The following ZFYVE28 variants were observed in gnomAD, a reference collection of about 807,000 sequenced individuals.
ZFYVE28 encodes zinc finger FYVE-type containing 28.
In ZFYVE28, 40 loss-of-function variants were observed where a neutral mutation model predicts 82.1. That is an observed-to-expected ratio of 0.49 (90% CI 0.38 to 0.63). The LOEUF (loss-of-function observed/expected upper bound fraction) is 0.63. ZFYVE28 is among the 30% of genes least tolerant of loss of function. ZFYVE28 has a pLI of 0.00. For missense variants in ZFYVE28, 1,321 were observed against 1,242.1 expected (o/e 1.06, Z -0.96); for synonymous variants, 612 against 546.1 (o/e 1.12, Z -1.68).
intron 6 of ZFYVE28, among the ~76,000 whole-genome samples, chr4:2,323,216 T>G (rs915926919): frequency 2.6e-5 from 4 of 152,208 alleles, no homozygotes; most frequent in African/African-American, 4.8e-5. Flanking sequence ...ACGTATTCTT[T>G]TCCATTTTTT....
At chr4:2,313,812 G>A (rs1382875823) in intron 7 of ZFYVE28, among the ~76,000 whole-genome samples, 1 of 145,674 alleles carries the variant, frequency 6.9e-6, no homozygotes, top group Non-Finnish European at 1.5e-5. Context: ...TCGCACCACT[G>A]CACTCCAGCC....
chr4:2,376,663 G>A (rs1260165018), intron 1 of ZFYVE28, among the ~76,000 whole-genome samples: 3 of 152,140 alleles, frequency 2.0e-5, no homozygotes, highest in Non-Finnish European at 4.4e-5. Flanking sequence ...ACGAGCATGG[G>A]GGGAACTGCC....
intron 8 of ZFYVE28, among the ~76,000 whole-genome samples, chr4:2,297,091 G>A (rs1339501806): frequency 6.6e-6 from 1 of 152,252 alleles, no homozygotes; most frequent in Non-Finnish European, 1.5e-5. Context: ...AATGGTGGAT[G>A]TGGGAACGAA....
chr4:2,343,402 T>C (rs1024116905), intron 2 of ZFYVE28: 3 of 152,194 alleles, frequency 2.0e-5, no homozygotes, highest in Non-Finnish European at 4.4e-5. Context: ...TGGGGAAGCA[T>C]GACCCTTCTC....
intron 1 of ZFYVE28, chr4:2,364,606 C>T (rs1726615797): frequency 1.0e-6 from 1 of 985,418 alleles, no homozygotes; most frequent in Admixed American, 6.1e-5. Context: ...GCTCCAGGTT[C>T]TTGGCCGCCT....
At chr4:2,326,920 G>C (rs1423753094) in intron 6 of ZFYVE28, among the ~76,000 whole-genome samples, 2 of 151,926 alleles carry the variant, frequency 1.3e-5, no homozygotes, top group Non-Finnish European at 2.9e-5. Flanking sequence ...AGTCCTAACA[G>C]TTTTTTTGGT....
chr4:2,381,268 G>A (rs1388338696), intron 1 of ZFYVE28, among the ~76,000 whole-genome samples: 2 of 152,230 alleles, frequency 1.3e-5, no homozygotes, highest in South Asian at 2.1e-4. Context: ...ACTTGAGAGG[G>A]ATGATTTAGG....
At chr4:2,368,116 C>T (rs910547571) in intron 1 of ZFYVE28, among the ~76,000 whole-genome samples, 1 of 146,050 alleles carries the variant, frequency 6.8e-6, no homozygotes, top group East Asian at 2.0e-4. Context: ...AGGCCAGGCA[C>T]GATGGCACTT....
At chr4:2,355,721 G>A (rs1725214703) in intron 1 of ZFYVE28, among the ~76,000 whole-genome samples, 1 of 152,134 alleles carries the variant, frequency 6.6e-6, no homozygotes, top group Non-Finnish European at 1.5e-5. Flanking sequence ...GAGACTATAG[G>A]CACACATCAC....
At chr4:2,412,311 G>A (rs1732607557) in intron 1 of ZFYVE28, among the ~76,000 whole-genome samples, 1 of 152,134 alleles carries the variant, frequency 6.6e-6, no homozygotes, top group Non-Finnish European at 1.5e-5. Context: ...GCTAAACGTT[G>A]GTTCTGTGGA....
intron 11 of ZFYVE28, 111 bp downstream of exon 11, chr4:2,271,564 A>G: frequency 1.4e-6 from 2 of 1,427,006 alleles, no homozygotes; most frequent in Admixed American, 1.7e-5. Context: ...CAGCTCCCAC[A>G]TGCCCGGACA....
Position 2,339,713 on chromosome 4 carries a change from C to T in ZFYVE28, c.319-58G>A, listed in dbSNP as rs371040979. On this transcript the variant is annotated intron_variant, in intron 3 of 12. Coordinates refer to ENST00000290974, the MANE Select transcript of ZFYVE28 (RefSeq NM_020972.3). This position sits in a 1 kb window ranked among gnomAD's most constrained non-coding sequence, Gnocchi z 5.0. ...GGGTGAGGGCCAGGCTCTCAGGGGTCGCCGACCCGGGGAACCTGACTGCGC... is the reference window on the plus strand; with the variant it reads ...GGGTGAGGGCCAGGCTCTCAGGGGTTGCCGACCCGGGGAACCTGACTGCGC... 832 of 1,500,010 alleles carry T rather than the reference C, an allele frequency of 5.5e-4. 4 individuals carry two copies. The African/African-American group carries it at 8.1e-3, about 15-fold the overall frequency. 92.9% of individuals were successfully genotyped at this position (1,500,010 alleles called of 1,614,324 possible).
At position 2,339,937 on chromosome 4, in the gene ZFYVE28, C is replaced by CAGGGGAGGGG. The variant is rs1253105461; in HGVS notation, c.319-292_319-283dup. Among the ~76,000 whole-genome samples the CAGGGGAGGGG allele has an allele frequency of 2.0e-5, 1 of 48,928 alleles. No homozygotes were observed. Among genetic ancestry groups the CAGGGGAGGGG allele is most frequent in the African/African-American group, 7.8e-5 (1 of 12,818 alleles). The allele number at this position is 48,928 out of a possible 152,430, so 32.1% of individuals were successfully genotyped here. A position where few individuals can be genotyped will look rare whatever the true frequency, so the allele number is the denominator to read the frequency against. ...CAGGTAAGGGCAGGGGAGGGGAGGGCAGGGGAGGGGAGGGGAGGGGAAGGT... is the reference window on the plus strand; with the variant it reads ...CAGGTAAGGGCAGGGGAGGGGAGGGCAGGGGAGGGGAGGGGAGGGGAGGGGAGGGGAAGGT... On this transcript the variant is annotated intron_variant, in intron 3 of 12. Coordinates refer to ENST00000290974, the MANE Select transcript of ZFYVE28 (RefSeq NM_020972.3). This position sits in a 1 kb window ranked among gnomAD's most constrained non-coding sequence, Gnocchi z 5.0.
rs599642 is a variant in ZFYVE28 at position 2,335,876 on chromosome 4, G to T, written c.612-82C>A. The T allele has an allele frequency of 0.29, 348,773 of 1,217,230 alleles. 53,064 individuals carry two copies. Among genetic ancestry groups the T allele is most frequent in the Middle Eastern group, 0.32 (1,744 of 5,378 alleles). 75.4% of individuals were successfully genotyped at this position (1,217,230 alleles called of 1,614,324 possible). A position where few individuals can be genotyped will look rare whatever the true frequency, so the allele number is the denominator to read the frequency against. On this transcript the variant is annotated intron_variant, in intron 5 of 12. Transcript: ENST00000290974. The surrounding 1 kb of genome is among the most constrained non-coding windows in gnomAD (Gnocchi z 5.8). ...TTGGACCCCAGCAGGGACAGGCAGTGCGCTCAATCTGTACCTGCAGCCACG... is the reference window on the plus strand; with the variant it reads ...TTGGACCCCAGCAGGGACAGGCAGTTCGCTCAATCTGTACCTGCAGCCACG...
intron 6 of ZFYVE28, among the ~76,000 whole-genome samples, chr4:2,322,471 A>G (rs1341766178): frequency 6.8e-6 from 1 of 147,516 alleles, no homozygotes; most frequent in African/African-American, 2.5e-5. Flanking sequence ...CGGTGTGGCC[A>G]GGGGTGTGGG....
At chr4:2,411,653 C>T (rs186330258) in intron 1 of ZFYVE28, among the ~76,000 whole-genome samples, 2 of 152,356 alleles carry the variant, frequency 1.3e-5, no homozygotes, top group African/African-American at 4.8e-5. Flanking sequence ...GCCCTGCTTC[C>T]TCCTGGCTGT....
At position 2,335,320 on chromosome 4, in the gene ZFYVE28, T is replaced by C. The variant is rs1721507794; in HGVS notation, c.701+385A>G. Among the ~76,000 whole-genome samples, 1 of 152,136 alleles carries C rather than the reference T, an allele frequency of 6.6e-6. No homozygotes were observed. Among genetic ancestry groups the C allele is most frequent in the Non-Finnish European group, 1.5e-5 (1 of 68,014 alleles). Reference sequence around the variant, plus strand: ...CCCGGGGGGCAGCTCGTCCTCTTGTTACCACCAAGTCTGCCTCCCACAGCC... The same window carrying C: ...CCCGGGGGGCAGCTCGTCCTCTTGTCACCACCAAGTCTGCCTCCCACAGCC... On this transcript the variant is annotated intron_variant, in intron 6 of 12. Transcript: ENST00000290974. This position sits in a 1 kb window ranked among gnomAD's most constrained non-coding sequence, Gnocchi z 5.8.
rs550684819 is a variant in ZFYVE28, at chr4:2,380,637, A to G, written c.40-26564T>C. Among the ~76,000 whole-genome samples, 43 of 152,300 alleles carry G rather than the reference A, an allele frequency of 2.8e-4. 1 individual carries two copies. In the South Asian group the frequency reaches 4.8e-3, roughly 17 times the overall value. ...CTTGAATTATACTCTCGTAATTCCC[A>G]CGTGTTGTGGGAGGGACCCAGTGGG... On this transcript the variant is annotated intron_variant, in intron 1 of 12. Coordinates refer to ENST00000290974, the MANE Select transcript of ZFYVE28 (RefSeq NM_020972.3).
intron 2 of ZFYVE28, among the ~76,000 whole-genome samples, chr4:2,342,340 CCT>C (rs1344327976): frequency 3.3e-5 from 5 of 152,234 alleles, no homozygotes; most frequent in African/African-American, 1.2e-4. Context: ...GGTCACTTCG[CCT>C]CTCTGATCAG....
Sources: gnomAD v4.1 joint callset for allele counts (sites outside exome capture counted in the v4.1 genomes callset) on GRCh38, gnomAD v4.1.1 for gene constraint, Gnocchi (gnomAD v3.1) non-coding constraint, MANE v1.5 for transcripts, NCBI Gene and HGNC (gene_info 2026-07-23, HGNC 2026-07-21) for gene names.